WDR64: variants seen among roughly 807,000 people sequenced by gnomAD.
WDR64 encodes the protein WD repeat-containing protein 64.
A neutral mutation model predicts 139.3 loss-of-function variants in WDR64; 112 were observed. That is an observed-to-expected ratio of 0.80 (90% CI 0.69 to 0.94). The LOEUF (loss-of-function observed/expected upper bound fraction) is 0.94. Among genes scored for constraint, WDR64 ranks in the 40% least tolerant of loss-of-function variants. The pLI is 0.00. For missense variants in WDR64, 1,206 were observed against 1,293.1 expected, an observed-to-expected ratio of 0.93 and a Z score of 1.03; for synonymous variants, 444 against 437.7, an observed-to-expected ratio of 1.01 and a Z score of -0.18.
At chr1:241,736,259 C>A (rs1669319719) in intron 10 of WDR64, among the ~76,000 whole-genome samples, 1 of 152,088 alleles carries the variant, frequency 6.6e-6, no homozygotes, top group East Asian at 1.9e-4. Flanking sequence ...TTGTTTGGAT[C>A]TAGGGAGATA....
chr1:241,790,483 T>C (rs898630484), intron 24 of WDR64, 108 bp from the exon 25 acceptor site: 48 of 893,056 alleles, frequency 5.4e-5, no homozygotes, highest in Non-Finnish European at 7.8e-5. Context: ...ACTGATGCCA[T>C]AGGAACCAAG....
intron 23 of WDR64, among the ~76,000 whole-genome samples, chr1:241,783,941 A>T (rs1658942181): frequency 6.6e-6 from 1 of 152,248 alleles, no homozygotes; most frequent in Admixed American, 6.5e-5. Flanking sequence ...TGCATATTGA[A>T]ATGTCTTAAA....
In WDR64 at chr1:241,738,488, G is replaced by A. The variant is rs182524455; in HGVS notation, c.1320G>A (p.Thr440=). ...ATGCCAATCATGGCATGCTTATTAC[G>A]GGTAAGTGTACCCAATTAATGTCAA... ...IYDANHGMLI[T]GSSVMDMYPL... The change falls in exon 11 of 28, where the codon ACG becomes ACA. Residue 440 remains threonine, a splice_region_variant and synonymous_variant. Transcript: ENST00000437684. The A allele has an allele frequency of 1.4e-5, 22 of 1,604,932 alleles. No individual in the cohort carries two copies. In the East Asian group the frequency reaches 1.6e-4, roughly 11 times the overall value.
intron 1 of WDR64, among the ~76,000 whole-genome samples, chr1:241,655,457 T>A (rs1465941482): frequency 6.6e-6 from 1 of 152,186 alleles, no homozygotes; most frequent in Non-Finnish European, 1.5e-5. Context: ...CAAGAGTTTT[T>A]CATTTTAAAA....
At chr1:241,687,734 A>G in intron 8 of WDR64, 139 bp downstream of exon 8, 1 of 912,524 alleles carries the variant, frequency 1.1e-6, no homozygotes, top group Non-Finnish European at 1.6e-6. Context: ...TGGGAAGGTT[A>G]ATTAGATTTC....
chr1:241,727,199 A>AT (rs1668880663), intron 10 of WDR64, among the ~76,000 whole-genome samples: 1 of 152,180 alleles, frequency 6.6e-6, no homozygotes, highest in East Asian at 1.9e-4. Context: ...GGAAATTTTA[A>AT]TTTTTTTAAG....
intron 10 of WDR64, among the ~76,000 whole-genome samples, chr1:241,723,872 A>T (rs1668704346): frequency 6.6e-6 from 1 of 152,092 alleles, no homozygotes; most frequent in Non-Finnish European, 1.5e-5. Flanking sequence ...TTGAAAAGAG[A>T]TCAATACAAT....
chr1:241,684,303 A>G (rs895154375), intron 7 of WDR64, among the ~76,000 whole-genome samples: 4 of 152,224 alleles, frequency 2.6e-5, no homozygotes, highest in African/African-American at 4.8e-5. Flanking sequence ...GGTCATGAAC[A>G]TGTAATTCAC....
At chr1:241,653,543 C>CTTTTCT (rs1553359144) in intron 1 of WDR64, among the ~76,000 whole-genome samples, 15 of 137,128 alleles carry the variant, frequency 1.1e-4, no homozygotes, top group Admixed American at 8.1e-4. Flanking sequence ...CTTTTCTTTT[C>CTTTTCT]TTTTTTTTTT....
intron 9 of WDR64, among the ~76,000 whole-genome samples, chr1:241,716,869 G>A (rs1668424106): frequency 1.3e-5 from 2 of 152,108 alleles, no homozygotes; most frequent in Non-Finnish European, 2.9e-5. Context: ...TCTTCACAAC[G>A]AATAACGGAC....
intron 9 of WDR64, among the ~76,000 whole-genome samples, chr1:241,719,709 A>T (rs1668532744): frequency 6.6e-6 from 1 of 152,194 alleles, no homozygotes; most frequent in Non-Finnish European, 1.5e-5. Context: ...AATATACATC[A>T]GGAAATACAT....
intron 7 of WDR64, 127 bp from the exon 8 acceptor site, chr1:241,687,334 C>A: frequency 4.0e-6 from 4 of 999,354 alleles, no homozygotes; most frequent in South Asian, 3.1e-5. Context: ...TGTTATAATG[C>A]ATTGGGCTGT....
At chr1:241,698,538 G>A (rs186370944) in intron 8 of WDR64, among the ~76,000 whole-genome samples, 63 of 152,044 alleles carry the variant, frequency 4.1e-4, no homozygotes, top group Non-Finnish European at 7.2e-4. Flanking sequence ...ATGATCTGGC[G>A]CCCAGCATAC....
chr1:241,785,443 A>G (rs1659002423), intron 23 of WDR64, among the ~76,000 whole-genome samples: 2 of 152,172 alleles, frequency 1.3e-5, no homozygotes. Flanking sequence ...TCCATTCATG[A>G]AGACTGAGCC....
chr1:241,784,237 T>G (rs2148319999), intron 23 of WDR64, among the ~76,000 whole-genome samples: 1 of 152,138 alleles, frequency 6.6e-6, no homozygotes, highest in South Asian at 2.1e-4. Flanking sequence ...GAATTTTACG[T>G]GGGGGAGTAA....
At position 241,784,953 on chromosome 1, in the gene WDR64, G is replaced by GGAAAAAAAAAAAAAAA. The variant is rs766802128; in HGVS notation, c.2705+1572_2705+1573insGAAAAAAAAAAAAAAA. 2.8e-3 allele frequency among the ~76,000 whole-genome samples: 177 copies of GGAAAAAAAAAAAAAAA among 62,242 alleles called. 45 individuals are homozygous for GGAAAAAAAAAAAAAAA. Among genetic ancestry groups the GGAAAAAAAAAAAAAAA allele is most frequent in the Middle Eastern group, 0.013 (1 of 76 alleles). 40.8% of individuals were successfully genotyped at this position (62,242 alleles called of 152,430 possible). A position where few individuals can be genotyped will look rare whatever the true frequency, so the allele number is the denominator to read the frequency against. On this transcript the variant is annotated intron_variant, in intron 23 of 27. Transcript: ENST00000437684. ...TGGGCGACAGAGTGAGACTCTGTCT[G>GGAAAAAAAAAAAAAAA]AAAAAAAAAAAAAAAAAAAAAAAGA...
Position 241,801,554 on chromosome 1 carries a change from C to A in WDR64, c.*339C>A. 2 of 409,356 alleles carry A rather than the reference C, an allele frequency of 4.9e-6. No individual in the cohort carries two copies. Among genetic ancestry groups the A allele is most frequent in the Non-Finnish European group, 4.3e-6 (1 of 232,000 alleles). 25.4% of individuals were successfully genotyped at this position (409,356 alleles called of 1,614,324 possible). On this transcript the variant is annotated 3_prime_UTR_variant, in exon 28 of 28. Coordinates refer to ENST00000437684, the MANE Select transcript of WDR64 (RefSeq NM_001367482.1). ...ACTTCCTCCCATTGGTCACCTTACT[C>A]CACAGCAAGAATGACTGTCAGAACA...
intron 9 of WDR64, 22 bp from the exon 10 acceptor site, chr1:241,723,275 C>T: frequency 3.1e-6 from 5 of 1,612,872 alleles, no homozygotes; most frequent in African/African-American, 1.3e-5. Flanking sequence ...AACCAACAAT[C>T]TTTCCCTGTC....
At chr1:241,765,602 T>C (rs1340266755) in intron 15 of WDR64, among the ~76,000 whole-genome samples, 1 of 152,156 alleles carries the variant, frequency 6.6e-6, no homozygotes, top group African/African-American at 2.4e-5. Flanking sequence ...TCTCCTCTTA[T>C]TTAAATGTCA....
Sources: allele counts gnomAD v4.1 joint callset (sites outside exome capture counted in the v4.1 genomes callset), GRCh38; gene constraint gnomAD v4.1.1; transcripts MANE v1.5; gene names NCBI Gene and HGNC (gene_info 2026-07-23, HGNC 2026-07-21).